Variants in RUNX1 observed in about 807,000 individuals in gnomAD.
RUNX1 encodes the protein runt-related transcription factor 1.
Under a neutral mutation model 42.8 loss-of-function variants are expected in RUNX1, and 19 were observed. That is an observed-to-expected ratio of 0.44 (90% CI 0.31 to 0.65). The LOEUF (loss-of-function observed/expected upper bound fraction) is 0.65. Among genes scored for constraint, RUNX1 ranks in the 30% least tolerant of loss-of-function variants. The pLI, the probability that RUNX1 is intolerant of heterozygous loss-of-function variation, is 0.07. For synonymous variants in RUNX1, 271 were observed against 289.4 expected (o/e 0.94, Z 0.64); for missense variants, 528 against 672.0 (o/e 0.79, Z 2.37).
intron 7 of RUNX1, among the ~76,000 whole-genome samples, chr21:34,804,301 T>G (rs1453068389): frequency 2.6e-5 from 4 of 152,152 alleles, no homozygotes; most frequent in African/African-American, 9.7e-5. Flanking sequence ...TCTCACAGGA[T>G]CCAATATATT....
rs975708493 is a variant in RUNX1, at chr21:34,907,718, T to C, written c.59-14755A>G. ...ATTAAATCATAACTGCCGAAGTGCC[T>C]TGTCAAGCTAAACAGTCATGAGAGG... On this transcript the variant is annotated intron_variant, in intron 2 of 8. Coordinates refer to ENST00000675419, the MANE Select transcript of RUNX1 (RefSeq NM_001754.5). This position sits in a 1 kb window ranked among gnomAD's most constrained non-coding sequence, Gnocchi z 5.3. Among the ~76,000 whole-genome samples, 2 of 152,168 alleles carry C rather than the reference T, an allele frequency of 1.3e-5. No individual in the cohort carries two copies. Among genetic ancestry groups the C allele is most frequent in the African/African-American group, 4.8e-5 (2 of 41,434 alleles).
rs147854458 is a variant in RUNX1 at position 34,955,611 on chromosome 21, A to G, written c.59-62648T>C. ...TTGAGTATTCAGCAACAGAATAACAACCTGAAAACAGATGAAGGAGAAGGT... is the reference window on the plus strand; with the variant it reads ...TTGAGTATTCAGCAACAGAATAACAGCCTGAAAACAGATGAAGGAGAAGGT... On this transcript the variant is annotated intron_variant, in intron 2 of 8. Transcript: ENST00000675419. Among the ~76,000 whole-genome samples, 877 of 152,302 alleles carry G rather than the reference A, an allele frequency of 5.8e-3. 7 individuals are homozygous for G. Among genetic ancestry groups the G allele is most frequent in the African/African-American group, 0.02 (839 of 41,552 alleles).
chr21:34,850,110 G>C (rs1413467675), intron 6 of RUNX1, among the ~76,000 whole-genome samples: 1 of 152,144 alleles, frequency 6.6e-6, no homozygotes, highest in African/African-American at 2.4e-5. Flanking sequence ...AGTGGCTAGG[G>C]TATGAGAAAA....
chr21:34,818,220 C>T (rs1257481146), intron 7 of RUNX1, among the ~76,000 whole-genome samples: 1 of 152,242 alleles, frequency 6.6e-6, no homozygotes, highest in Non-Finnish European at 1.5e-5. Context: ...TGCTCCACTC[C>T]CATGATGACT....
At chr21:34,812,080 G>A (rs928601474) in intron 7 of RUNX1, among the ~76,000 whole-genome samples, 1 of 151,854 alleles carries the variant, frequency 6.6e-6, no homozygotes, top group Admixed American at 6.6e-5. Flanking sequence ...GAGTGAATAA[G>A]AGGCTAAAAT....
chr21:34,842,971 G>A (rs944333611), intron 6 of RUNX1, among the ~76,000 whole-genome samples: 2 of 152,150 alleles, frequency 1.3e-5, no homozygotes, highest in African/African-American at 4.8e-5. Flanking sequence ...GTAAGTGGCT[G>A]AGGCAGAAGA....
At chr21:34,934,760 C>T (rs543030112) in intron 2 of RUNX1, among the ~76,000 whole-genome samples, 5 of 152,114 alleles carry the variant, frequency 3.3e-5, no homozygotes, top group African/African-American at 1.2e-4. Flanking sequence ...CTGGGATGGA[C>T]CTTGACTGTA....
chr21:34,932,663 T>G (rs1037298483), intron 2 of RUNX1, among the ~76,000 whole-genome samples: 1 of 152,206 alleles, frequency 6.6e-6, no homozygotes, highest in African/African-American at 2.4e-5. Context: ...CTACTGAGGT[T>G]ACTAACTCAA....
At chr21:35,021,961 C>G (rs1263022175) in intron 2 of RUNX1, among the ~76,000 whole-genome samples, 1 of 152,176 alleles carries the variant, frequency 6.6e-6, no homozygotes, top group Non-Finnish European at 1.5e-5. Flanking sequence ...GTAGGAGTTC[C>G]CATTTAAGAG....
chr21:34,872,452 T>C (rs559522993), intron 5 of RUNX1, among the ~76,000 whole-genome samples: 29 of 152,336 alleles, frequency 1.9e-4, no homozygotes, highest in Admixed American at 3.9e-4. Context: ...GCCAGGGGGA[T>C]GGTGCAATTC....
At chr21:34,883,202 G>T (rs1458203298) in intron 4 of RUNX1, among the ~76,000 whole-genome samples, 1 of 151,938 alleles carries the variant, frequency 6.6e-6, no homozygotes, top group East Asian at 1.9e-4. Flanking sequence ...TGTTGATGTT[G>T]GAACTTAAGA....
chr21:35,009,101 G>C (rs1276275030), intron 2 of RUNX1, among the ~76,000 whole-genome samples: 1 of 152,186 alleles, frequency 6.6e-6, no homozygotes, highest in Non-Finnish European at 1.5e-5. Context: ...GGTCTATCAG[G>C]AGGGAGGTCC....
chr21:34,893,783 T>TA (rs545585960), intron 2 of RUNX1, among the ~76,000 whole-genome samples: 3,084 of 149,064 alleles, frequency 0.021, 67 homozygotes, highest in African/African-American at 0.056. Context: ...TTTTTTTTTT[T>TA]AAAAAAAAAC....
intron 2 of RUNX1, among the ~76,000 whole-genome samples, chr21:34,948,667 C>G (rs2058583587): frequency 6.6e-6 from 1 of 152,196 alleles, no homozygotes; most frequent in African/African-American, 2.4e-5. Flanking sequence ...ACCTGGAGAG[C>G]TAGGACAGTA....
chr21:34,833,286 A>C (rs1417313589), intron 7 of RUNX1: 1 of 152,150 alleles, frequency 6.6e-6, no homozygotes, highest in Non-Finnish European at 1.5e-5. Flanking sequence ...TTGTATTTTT[A>C]GTAGAGTTGG....
At chr21:34,890,005 C>T (rs1601536840) in intron 3 of RUNX1, among the ~76,000 whole-genome samples, 1 of 152,150 alleles carries the variant, frequency 6.6e-6, no homozygotes. Context: ...GGTCCCTCGC[C>T]GACCTCACGG....
At chr21:34,871,614 T>C (rs2057738501) in intron 5 of RUNX1, among the ~76,000 whole-genome samples, 1 of 152,146 alleles carries the variant, frequency 6.6e-6, no homozygotes, top group Non-Finnish European at 1.5e-5. Context: ...AAACCGGTGA[T>C]GGCAAAACTG....
chr21:34,892,373 G>A (rs1163973192), intron 3 of RUNX1, among the ~76,000 whole-genome samples: 1 of 152,078 alleles, frequency 6.6e-6, no homozygotes, highest in Non-Finnish European at 1.5e-5. Flanking sequence ...CTATGAGAGG[G>A]GGGAGGAGAG....
chr21:34,849,332 CTATATATATTATATATAG>C (rs2057369284), intron 6 of RUNX1, among the ~76,000 whole-genome samples: 1 of 24,672 alleles, frequency 4.1e-5, no homozygotes, highest in Non-Finnish European at 8.1e-5. Flanking sequence ...ATTATATATA[CTATATATATTATATATAG>C]TATATATAAT....
Sources: allele counts gnomAD v4.1 joint callset (sites outside exome capture counted in the v4.1 genomes callset), GRCh38; gene constraint gnomAD v4.1.1; non-coding constraint Gnocchi (gnomAD v3.1); transcripts MANE v1.5; gene names NCBI Gene and HGNC (gene_info 2026-07-23, HGNC 2026-07-21).